Variants in VPS35L observed in about 807,000 individuals in gnomAD.
VPS35L encodes the protein VPS35 endosomal protein sorting factor like, also known as VPS35 endosomal protein-sorting factor-like.
Under a neutral mutation model 133.0 loss-of-function variants are expected in VPS35L, and 83 were observed. The observed-to-expected ratio is 0.62, with a 90% CI of 0.52 to 0.75. The LOEUF is 0.75. VPS35L is among the 30% of genes least tolerant of loss of function. VPS35L has a pLI of 0.00. For synonymous variants in VPS35L, 423 were observed against 449.9 expected (o/e 0.94, Z 0.76); for missense variants, 1,083 against 1,206.8 (o/e 0.90, Z 1.52).
At chr16:19,579,233 G>T (rs1008307213) in intron 6 of VPS35L, 105 bp downstream of exon 6, 1 of 1,060,734 alleles carries the variant, frequency 9.4e-7, no homozygotes, top group Non-Finnish European at 1.4e-6. Flanking sequence ...CCTGGGCTGC[G>T]CATTGTGCTT....
At chr16:19,694,783 A>C (rs112745866) in intron 29 of VPS35L, among the ~76,000 whole-genome samples, 4 of 152,302 alleles carry the variant, frequency 2.6e-5, no homozygotes, top group South Asian at 2.1e-4. Context: ...AGACAGGCAG[A>C]TCACTTGAGG....
chr16:19,685,546 G>A (rs1205930192), intron 28 of VPS35L, among the ~76,000 whole-genome samples: 1 of 152,184 alleles, frequency 6.6e-6, no homozygotes, highest in Non-Finnish European at 1.5e-5. Context: ...TGTCTGCGTG[G>A]AGGTGGCGTT....
chr16:19,578,366 C>A, intron 5 of VPS35L: 1 of 420,982 alleles, frequency 2.4e-6, no homozygotes, highest in Non-Finnish European at 4.6e-6. Flanking sequence ...AGAGTAAGAC[C>A]CCATCTCAAA....
chr16:19,623,990 G>T (rs1973174731), intron 14 of VPS35L, among the ~76,000 whole-genome samples: 1 of 149,596 alleles, frequency 6.7e-6, no homozygotes, highest in Non-Finnish European at 1.5e-5. Flanking sequence ...TTCTTTTAGA[G>T]ATGAGGTTTC....
chr16:19,669,019 G>A (rs944345747), intron 26 of VPS35L, 141 bp from the exon 27 acceptor site: 1 of 724,390 alleles, frequency 1.4e-6, no homozygotes, highest in Non-Finnish European at 2.1e-6. Flanking sequence ...ATGGTTTGCA[G>A]AAACCTTCTG....
At chr16:19,698,392 C>T (rs1381316730) in intron 29 of VPS35L, among the ~76,000 whole-genome samples, 3 of 152,238 alleles carry the variant, frequency 2.0e-5, no homozygotes, top group Middle Eastern at 3.4e-3. Context: ...TGATTCTGGT[C>T]GGAGAAATGC....
At chr16:19,626,488 G>A (rs866049615) in intron 15 of VPS35L, among the ~76,000 whole-genome samples, 2 of 152,224 alleles carry the variant, frequency 1.3e-5, no homozygotes, top group East Asian at 3.9e-4. Flanking sequence ...TCAACTGGGC[G>A]TGGTGGCTGA....
intron 7 of VPS35L, among the ~76,000 whole-genome samples, chr16:19,589,302 G>A (rs1222185946): frequency 1.3e-5 from 2 of 152,114 alleles, no homozygotes; most frequent in East Asian, 3.8e-4. Flanking sequence ...GGAGTGCAGT[G>A]GGGCGGTCTC....
intron 1 of VPS35L, among the ~76,000 whole-genome samples, chr16:19,560,121 T>C (rs1970981716): frequency 6.6e-6 from 1 of 152,232 alleles, no homozygotes; most frequent in Admixed American, 6.5e-5. Context: ...GACTTATAGA[T>C]AATCTATGGA....
At chr16:19,634,273 C>CA (rs1189042800) in intron 19 of VPS35L, among the ~76,000 whole-genome samples, 1 of 151,740 alleles carries the variant, frequency 6.6e-6, no homozygotes, top group Non-Finnish European at 1.5e-5. Flanking sequence ...GCCATCTCTA[C>CA]AAAAAATATA....
At chr16:19,635,205 A>G (rs1226201057) in intron 19 of VPS35L, among the ~76,000 whole-genome samples, 1 of 151,958 alleles carries the variant, frequency 6.6e-6, no homozygotes, top group Admixed American at 6.6e-5. Flanking sequence ...GAAATTAGCC[A>G]GGTGTGGTGG....
intron 7 of VPS35L, among the ~76,000 whole-genome samples, chr16:19,583,299 A>AT: frequency 6.6e-6 from 1 of 152,258 alleles, no homozygotes; most frequent in Non-Finnish European, 1.5e-5. Flanking sequence ...TTCTGCCTTT[A>AT]TAAATCTACC....
chr16:19,674,955 CTT>C (rs566657093), intron 27 of VPS35L, among the ~76,000 whole-genome samples: 9 of 142,798 alleles, frequency 6.3e-5, no homozygotes, highest in Non-Finnish European at 7.6e-5. Flanking sequence ...TCTTTTCTTT[CTT>C]TTTTTTTTTT....
chr16:19,608,103 A>T, intron 9 of VPS35L, 75 bp from the exon 10 acceptor site: 2 of 1,070,438 alleles, frequency 1.9e-6, no homozygotes, highest in Non-Finnish European at 2.9e-6. Context: ...CTCCAGGGTA[A>T]TGTATTCCCA....
At chr16:19,558,220 T>C (rs1278511374) in intron 1 of VPS35L, among the ~76,000 whole-genome samples, 3 of 152,232 alleles carry the variant, frequency 2.0e-5, no homozygotes, top group African/African-American at 7.2e-5. Context: ...AAATTTACAT[T>C]TATCAAGTCC....
chr16:19,653,238 G>A (rs1484505161), intron 26 of VPS35L, among the ~76,000 whole-genome samples: 2 of 152,200 alleles, frequency 1.3e-5, no homozygotes, highest in Non-Finnish European at 2.9e-5. Flanking sequence ...GTTTGCTGCA[G>A]GACACCCTGG....
intron 12 of VPS35L, among the ~76,000 whole-genome samples, chr16:19,614,656 C>A (rs948684869): frequency 6.6e-6 from 1 of 152,220 alleles, no homozygotes; most frequent in African/African-American, 2.4e-5. Flanking sequence ...AGTGATTGGC[C>A]CACCTGGGCC....
intron 7 of VPS35L, chr16:19,581,925 C>T (rs567964712): frequency 4.4e-5 from 20 of 458,904 alleles, no homozygotes; most frequent in Non-Finnish European, 6.7e-5. Context: ...GATGATACCC[C>T]ATGTGTTGTG....
intron 7 of VPS35L, among the ~76,000 whole-genome samples, chr16:19,583,863 C>T (rs1971783436): frequency 6.6e-6 from 1 of 152,152 alleles, no homozygotes; most frequent in Admixed American, 6.6e-5. Context: ...CTTTGTTCTC[C>T]CCTTGCCCCT....
Sources: allele counts gnomAD v4.1 joint callset (sites outside exome capture counted in the v4.1 genomes callset), GRCh38; gene constraint gnomAD v4.1.1; transcripts MANE v1.5; gene names NCBI Gene and HGNC (gene_info 2026-07-23, HGNC 2026-07-21).